OR2L13: variants seen among roughly 807,000 people sequenced by gnomAD.
The protein encoded by OR2L13 is olfactory receptor family 2 subfamily L member 13.
Under a neutral mutation model 15.3 loss-of-function variants are expected in OR2L13, and 14 were observed. That is an observed-to-expected ratio of 0.91 (90% CI 0.60 to 1.43). The LOEUF (loss-of-function observed/expected upper bound fraction) is 1.43. Among genes scored for constraint, OR2L13 ranks in the 40% most tolerant of loss-of-function variants. The pLI is 0.00. For synonymous variants in OR2L13, 152 were observed against 142.9 expected, an observed-to-expected ratio of 1.06 and a Z score of -0.45; for missense variants, 367 against 387.9, an observed-to-expected ratio of 0.95 and a Z score of 0.45.
At chr1:248,049,166 G>GAAT in the OR2L13 span, among the ~76,000 whole-genome samples, 1 of 152,080 alleles carries the variant, frequency 6.6e-6, no homozygotes, top group Non-Finnish European at 1.5e-5. Context: ...GCACAGTCGT[G>GAAT]AATAACTCTC....
At chr1:248,003,301 C>G in the OR2L13 span, 2 of 1,582,514 alleles carry the variant, frequency 1.3e-6, no homozygotes, top group South Asian at 1.1e-5. Context: ...TCCACACACC[C>G]ATGTGTTTCC....
chr1:247,967,096 T>C, the OR2L13 span, among the ~76,000 whole-genome samples: 6 of 127,090 alleles, frequency 4.7e-5, no homozygotes, highest in Non-Finnish European at 7.1e-5. Flanking sequence ...ACCCAGGCAC[T>C]TCTGACAAGT....
the OR2L13 span, among the ~76,000 whole-genome samples, chr1:248,002,281 C>G: frequency 6.6e-6 from 1 of 151,830 alleles, no homozygotes; most frequent in Non-Finnish European, 1.5e-5. Flanking sequence ...AAGAGAAACA[C>G]CAGTTTAACC....
the OR2L13 span, chr1:247,990,695 T>A: frequency 4.6e-6 from 7 of 1,537,250 alleles, no homozygotes; most frequent in Non-Finnish European, 6.3e-6. Flanking sequence ...TGTGCACTGA[T>A]GATAACAGGA....
At chr1:248,095,623 T>TTTTTTTTTTC (rs1037934922), upstream of OR2L13, among the ~76,000 whole-genome samples, 2 of 130,468 alleles carry the variant, frequency 1.5e-5, 1 homozygote, top group African/African-American at 5.6e-5. Flanking sequence ...TTTTTTTTTT[T>TTTTTTTTTTC]TGAGATGGAG....
At chr1:247,945,331 A>C in the OR2L13 span, among the ~76,000 whole-genome samples, 2 of 152,102 alleles carry the variant, frequency 1.3e-5, no homozygotes, top group Non-Finnish European at 2.9e-5. Context: ...GGGATATTTT[A>C]ATCTTGAGTT....
At chr1:247,967,900 G>GTCCTCT in the OR2L13 span, among the ~76,000 whole-genome samples, 2 of 145,604 alleles carry the variant, frequency 1.4e-5, no homozygotes, top group African/African-American at 5.1e-5. Context: ...CTCCTTCCTC[G>GTCCTCT]TCCTCTTCCT....
the OR2L13 span, chr1:248,083,911 T>C: frequency 6.2e-7 from 1 of 1,611,164 alleles, no homozygotes; most frequent in Non-Finnish European, 8.5e-7. Context: ...CGGGCTTCTG[T>C]AGAGCGCATG....
the OR2L13 span, among the ~76,000 whole-genome samples, chr1:248,056,679 T>TC: frequency 6.7e-6 from 1 of 149,926 alleles, no homozygotes; most frequent in Non-Finnish European, 1.5e-5. Context: ...GGGCTTTTTT[T>TC]TTTTTTTTAG....
the OR2L13 span, chr1:248,083,575 A>G: frequency 5.5e-6 from 6 of 1,100,620 alleles, no homozygotes; most frequent in East Asian, 1.4e-4. Context: ...AAAGGGAGAG[A>G]ATTACAATGT....
chr1:248,076,038 G>T, the OR2L13 span, among the ~76,000 whole-genome samples: 1,740 of 152,100 alleles, frequency 0.011, 10 homozygotes, highest in Non-Finnish European at 0.017. Flanking sequence ...AGATCTAAGG[G>T]AGGGATCCAG....
upstream of OR2L13, among the ~76,000 whole-genome samples, chr1:248,096,569 C>A (rs1664746700): frequency 6.6e-6 from 1 of 152,148 alleles, no homozygotes; most frequent in South Asian, 2.1e-4. Context: ...TTACTAAGGA[C>A]CTACTATGTG....
At chr1:248,076,536 T>C in the OR2L13 span, among the ~76,000 whole-genome samples, 1 of 152,210 alleles carries the variant, frequency 6.6e-6, no homozygotes, top group African/African-American at 2.4e-5. Context: ...CAGTGGTTTG[T>C]AGTTCTCCTT....
At chr1:248,052,868 A>G in the OR2L13 span, among the ~76,000 whole-genome samples, 1 of 152,026 alleles carries the variant, frequency 6.6e-6, no homozygotes, top group African/African-American at 2.4e-5. Flanking sequence ...TGAAAAAAAA[A>G]ATTTATCATT....
the OR2L13 span, among the ~76,000 whole-genome samples, chr1:247,940,544 C>T: frequency 1.3e-5 from 2 of 152,026 alleles, 1 homozygote; most frequent in South Asian, 4.1e-4. Flanking sequence ...AAGACAGTAA[C>T]AATAATTGTT....
the OR2L13 span, chr1:248,038,168 C>T: frequency 2.5e-6 from 2 of 804,076 alleles, no homozygotes; most frequent in Non-Finnish European, 4.1e-6. Flanking sequence ...TTTCAGGCAT[C>T]CACTGGGAGT....
At chr1:248,067,643 A>G in the OR2L13 span, among the ~76,000 whole-genome samples, 5 of 152,184 alleles carry the variant, frequency 3.3e-5, no homozygotes, top group Non-Finnish European at 7.3e-5. Flanking sequence ...GACAGTGGGC[A>G]CAGGACAGTG....
At chr1:248,044,721 T>G in the OR2L13 span, among the ~76,000 whole-genome samples, 1 of 98,140 alleles carries the variant, frequency 1.0e-5, no homozygotes, top group Admixed American at 9.5e-5. Flanking sequence ...GAGAATGGCG[T>G]GAACCCGGGA....
rs1477276025 is a variant in OR2L13 at position 248,099,352 on chromosome 1, C to G, written c.-18-6C>G. 6.7e-7 allele frequency: 1 copy of G among 1,483,716 alleles called. No homozygotes were observed. Among genetic ancestry groups the G allele is most frequent in the East Asian group, 2.3e-5 (1 of 43,942 alleles). 91.9% of individuals were successfully genotyped at this position (1,483,716 alleles called of 1,614,324 possible). ...TTTGCTTTTGTTTCTATTTCTCTTT[C>G]AACAGTTACAGCAGAAAGTTTTCAT... On this transcript the variant is annotated splice_polypyrimidine_tract_variant and splice_region_variant and intron_variant, in intron 2 of 2. Transcript: ENST00000641714.
Sources: gnomAD v4.1 joint callset for allele counts (sites outside exome capture counted in the v4.1 genomes callset) on GRCh38, gnomAD v4.1.1 for gene constraint, MANE v1.5 for transcripts, NCBI Gene and HGNC (gene_info 2026-07-23, HGNC 2026-07-21) for gene names.